The following NR6A1 variants were observed in gnomAD, a reference collection of about 807,000 sequenced individuals.
The protein encoded by NR6A1 is nuclear receptor subfamily 6 group A member 1, also known as retinoic acid receptor-related testis-associated receptor.
NR6A1 carries 7 observed loss-of-function variants against 59.1 expected under a neutral mutation model. The observed-to-expected ratio is 0.12, with a 90% CI of 0.07 to 0.22. The LOEUF (loss-of-function observed/expected upper bound fraction) is 0.22, where lower values mean the gene tolerates loss of function less well. Ranked by LOEUF, NR6A1 falls within the 10% of genes least tolerant of loss-of-function variation. NR6A1 has a pLI of 1.00. For synonymous variants in NR6A1, 243 were observed against 236.1 expected, an observed-to-expected ratio of 1.03 and a Z score of -0.27; for missense variants, 468 against 611.6, an observed-to-expected ratio of 0.77 and a Z score of 2.48.
intron 2 of NR6A1, among the ~76,000 whole-genome samples, chr9:124,703,289 T>C (rs1415064417): frequency 6.7e-6 from 1 of 149,012 alleles, no homozygotes; most frequent in East Asian, 2.0e-4. Context: ...CATAGCGTAC[T>C]GCATTCTCAA....
intron 3 of NR6A1, among the ~76,000 whole-genome samples, chr9:124,553,015 T>C (rs1455713490): frequency 2.0e-5 from 3 of 152,220 alleles, no homozygotes; most frequent in Non-Finnish European, 4.4e-5. Flanking sequence ...ACTGCTGCTA[T>C]GAACCCCTAA....
At chr9:124,523,497 C>T (rs1215919747) in intron 9 of NR6A1, among the ~76,000 whole-genome samples, 2 of 151,928 alleles carry the variant, frequency 1.3e-5, no homozygotes, top group Non-Finnish European at 2.9e-5. Context: ...CCAGAATTCT[C>T]CAGGTGCAAC....
rs543536348 is a variant in NR6A1 at position 124,654,393 on chromosome 9, T to C, written c.142+78915A>G. On this transcript the variant is annotated intron_variant, in intron 2 of 9. Transcript: ENST00000487099. Reference sequence around the variant, plus strand: ...TGGAAAAAACCCAAATTTCTTACTATAGCTTACAAGGTCCTATGTGATAGG... The same window carrying C: ...TGGAAAAAACCCAAATTTCTTACTACAGCTTACAAGGTCCTATGTGATAGG... Among the ~76,000 whole-genome samples the C allele has an allele frequency of 7.2e-5, 11 of 152,292 alleles. No individual in the cohort carries two copies. In the East Asian group the frequency reaches 1.4e-3, roughly 19 times the overall value.
At chr9:124,766,022 T>C (rs1239172038) in intron 1 of NR6A1, among the ~76,000 whole-genome samples, 2 of 152,136 alleles carry the variant, frequency 1.3e-5, no homozygotes, top group Admixed American at 6.5e-5. Flanking sequence ...AAACAATCAA[T>C]GAACAAAAGA....
chr9:124,665,009 C>A (rs9409274), intron 2 of NR6A1, among the ~76,000 whole-genome samples: 117,629 of 121,560 alleles, frequency 0.97, 56,915 homozygotes, highest in South Asian at 0.98. Flanking sequence ...CCTTGTATCT[C>A]CAAAAAAAAA....
intron 2 of NR6A1, among the ~76,000 whole-genome samples, chr9:124,681,829 CAAATGACCAATGTA>C (rs1838171174): frequency 6.6e-6 from 1 of 151,920 alleles, no homozygotes; most frequent in Non-Finnish European, 1.5e-5. Flanking sequence ...AAGTATTTTC[CAAATGACCAATGTA>C]TGATGTCACA....
intron 2 of NR6A1, among the ~76,000 whole-genome samples, chr9:124,640,758 G>T (rs1836747581): frequency 6.6e-6 from 1 of 151,574 alleles, no homozygotes; most frequent in South Asian, 2.1e-4. Flanking sequence ...ACCCAAGCAG[G>T]ATTACAGGCA....
intron 2 of NR6A1, among the ~76,000 whole-genome samples, chr9:124,603,401 G>A (rs1401392322): frequency 6.6e-6 from 1 of 152,032 alleles, no homozygotes; most frequent in Non-Finnish European, 1.5e-5. Context: ...CCTCACGACA[G>A]GTTTTTTCCC....
chr9:124,644,463 G>T (rs1463987428), intron 2 of NR6A1, among the ~76,000 whole-genome samples: 2 of 151,708 alleles, frequency 1.3e-5, no homozygotes, highest in African/African-American at 4.8e-5. Context: ...TGTTGGCCAG[G>T]CTGGTCTCGA....
intron 7 of NR6A1, among the ~76,000 whole-genome samples, chr9:124,529,292 C>T (rs1833029610): frequency 6.6e-6 from 1 of 152,126 alleles, no homozygotes; most frequent in Admixed American, 6.6e-5. Context: ...TATTGATATT[C>T]CCAATAAATT....
Position 124,660,648 on chromosome 9 carries a change from C to CAAAAA in NR6A1, c.142+72655_142+72659dup, listed in dbSNP as rs753242760. On this transcript the variant is annotated intron_variant, in intron 2 of 9. Coordinates refer to ENST00000487099, the MANE Select transcript of NR6A1 (RefSeq NM_033334.4). ...TGCACTCCTGGCAGCTCTGAGAATA[C>CAAAAA]AAAAAAAAAAAAAAAAAAAAGGCAA... Among the ~76,000 whole-genome samples, 28 of 92,800 alleles carry CAAAAA rather than the reference C, an allele frequency of 3.0e-4. 1 individual carries two copies. Among genetic ancestry groups the CAAAAA allele is most frequent in the African/African-American group, 6.7e-4 (17 of 25,224 alleles). 60.9% of individuals were successfully genotyped at this position (92,800 alleles called of 152,430 possible). A position where few individuals can be genotyped will look rare whatever the true frequency, so the allele number is the denominator to read the frequency against.
At chr9:124,543,978 C>A (rs1294246830) in intron 3 of NR6A1, 121 bp from the exon 4 acceptor site, 4 of 744,310 alleles carry the variant, frequency 5.4e-6, no homozygotes, top group Non-Finnish European at 9.1e-6. Flanking sequence ...AACATTAAAA[C>A]ACAGGTCCTT....
Position 124,733,748 on chromosome 9 carries a change from C to T in NR6A1, c.101-399G>A, listed in dbSNP as rs960961383. ...CATATTCTATTTAACACTGCTAATTCTTTTCCAAAAGAAAGCAAAGTATGT... is the reference window on the plus strand; with the variant it reads ...CATATTCTATTTAACACTGCTAATTTTTTTCCAAAAGAAAGCAAAGTATGT... On this transcript the variant is annotated intron_variant, in intron 1 of 9. Coordinates refer to ENST00000487099, the MANE Select transcript of NR6A1 (RefSeq NM_033334.4). 4.6e-5 allele frequency among the ~76,000 whole-genome samples: 7 copies of T among 152,252 alleles called. No homozygotes were observed. The South Asian group carries it at 8.3e-4, about 18-fold the overall frequency.
intron 7 of NR6A1, among the ~76,000 whole-genome samples, chr9:124,529,405 G>T (rs1452516119): frequency 6.6e-6 from 1 of 152,112 alleles, no homozygotes; most frequent in African/African-American, 2.4e-5. Context: ...CTTTTCATAT[G>T]CATTCTTACA....
At chr9:124,670,299 G>C (rs1372667310) in intron 2 of NR6A1, among the ~76,000 whole-genome samples, 1 of 152,144 alleles carries the variant, frequency 6.6e-6, no homozygotes, top group African/African-American at 2.4e-5. Flanking sequence ...GGCTGAGGCA[G>C]GAGGATGGCT....
At chr9:124,767,368 G>A (rs188321403) in intron 1 of NR6A1, among the ~76,000 whole-genome samples, 2 of 152,222 alleles carry the variant, frequency 1.3e-5, no homozygotes, top group African/African-American at 4.8e-5. Context: ...AATCAGAACT[G>A]CTGAATGATT....
chr9:124,691,649 G>A (rs1325804571), intron 2 of NR6A1, among the ~76,000 whole-genome samples: 1 of 152,170 alleles, frequency 6.6e-6, no homozygotes, highest in Non-Finnish European at 1.5e-5. Flanking sequence ...TACACTCTGT[G>A]TTCTCAACTA....
intron 2 of NR6A1, among the ~76,000 whole-genome samples, chr9:124,654,235 C>T (rs1040545935): frequency 2.6e-5 from 4 of 152,160 alleles, no homozygotes; most frequent in African/African-American, 9.7e-5. Context: ...AAGGGGGCCT[C>T]AGAGGACTAA....
chr9:124,636,117 ATCTTT>A (rs1836603828), intron 2 of NR6A1, among the ~76,000 whole-genome samples: 1 of 152,204 alleles, frequency 6.6e-6, no homozygotes, highest in African/African-American at 2.4e-5. Context: ...GACATGGAGC[ATCTTT>A]TCTTATGCTT....
Sources: gnomAD v4.1 joint callset for allele counts (sites outside exome capture counted in the v4.1 genomes callset) on GRCh38, gnomAD v4.1.1 for gene constraint, MANE v1.5 for transcripts, NCBI Gene and HGNC (gene_info 2026-07-23, HGNC 2026-07-21) for gene names.